Variants in LRRC31 observed in about 807,000 individuals in gnomAD.
LRRC31 encodes the protein leucine rich repeat containing 31.
In LRRC31, 35 loss-of-function variants were observed where a neutral mutation model predicts 46.7. The observed-to-expected ratio is 0.75, with a 90% CI of 0.57 to 0.99. LRRC31 has a LOEUF of 0.99. LRRC31 is among the 50% of genes least tolerant of loss of function. The probability of loss-of-function intolerance (pLI) is 0.00; values close to 1 mark genes in which losing one functional copy is unlikely to be tolerated. For missense variants in LRRC31, 613 were observed against 626.1 expected (o/e 0.98, Z 0.22); for synonymous variants, 236 against 235.1 (o/e 1.00, Z -0.03).
intron 2 of LRRC31, 53 bp from the exon 3 acceptor site, chr3:169,860,781 A>G: frequency 6.5e-7 from 1 of 1,550,280 alleles, no homozygotes; most frequent in South Asian, 1.1e-5. Context: ...TGTGATTTGT[A>G]GTAAATAAAA....
intron 6 of LRRC31, among the ~76,000 whole-genome samples, chr3:169,852,402 C>CAAAAA (rs11344242): frequency 3.4e-5 from 3 of 88,480 alleles, no homozygotes; most frequent in Admixed American, 1.1e-4. Flanking sequence ...GACTCCGTCT[C>CAAAAA]AAAAAAAAAA....
chr3:169,864,949 C>A (rs1410218515), intron 1 of LRRC31, among the ~76,000 whole-genome samples: 3 of 152,062 alleles, frequency 2.0e-5, no homozygotes, highest in African/African-American at 7.2e-5. Context: ...TACTGGCATG[C>A]ACCTGTAATC....
At position 169,861,379 on chromosome 3, in the gene LRRC31, AAAAAAG is replaced by A. The variant is rs1341826671; in HGVS notation, c.319+285_319+290del. 3.0e-4 allele frequency among the ~76,000 whole-genome samples: 44 copies of A among 145,188 alleles called. 1 individual carries two copies. In the South Asian group the frequency reaches 5.5e-3, roughly 18 times the overall value. On this transcript the variant is annotated intron_variant, in intron 2 of 8. Transcript: ENST00000316428. ...ACTGCGCCTGGCCTTTTTCTTAAAA[AAAAAAG>A]AAAAAAGAAAAAAGAAAAAACCTAC...
intron 8 of LRRC31, among the ~76,000 whole-genome samples, chr3:169,841,021 T>C (rs1384362972): frequency 6.6e-6 from 1 of 152,210 alleles, no homozygotes; most frequent in Non-Finnish European, 1.5e-5. Flanking sequence ...GTGGGTTGTA[T>C]AGAATCTCAG....
chr3:169,854,986 A>C lies in LRRC31; in HGVS notation c.824-6T>G. On this transcript the variant is annotated splice_region_variant and splice_polypyrimidine_tract_variant and intron_variant, in intron 5 of 8. Coordinates refer to ENST00000316428, the MANE Select transcript of LRRC31 (RefSeq NM_024727.4). ...CAAATACCTAAAAGCAGCATCTACA[A>C]AGAAAGTCAGAATCCCATTCTGGTA... The C allele has an allele frequency of 1.9e-6, 3 of 1,605,060 alleles. No homozygotes were observed. Among genetic ancestry groups the C allele is most frequent in the Non-Finnish European group, 2.5e-6 (3 of 1,177,994 alleles).
intron 8 of LRRC31, among the ~76,000 whole-genome samples, chr3:169,843,756 A>G (rs1780520631): frequency 6.6e-6 from 1 of 152,230 alleles, no homozygotes; most frequent in African/African-American, 2.4e-5. Context: ...AACACAAATT[A>G]TCAATATCAG....
In LRRC31 at chr3:169,848,246, G is replaced by A. The variant is rs1292256615; in HGVS notation, c.1201C>T (p.Leu401Phe). The stretch of plus-strand genomic sequence containing the variant: ...CCACCAACACACTTGTTCCAAGAAA[G>A]GTTGAATACTTCCAGAGCAGAGAGG... ...VHLSALEVFN[L>F]SWNKCVGGNL... The change falls in exon 8 of 9, where the codon CTT becomes TTT. Residue 401 changes from leucine to phenylalanine, a missense_variant. By Grantham distance (22) the Leu-to-Phe change is conservative. Coordinates refer to ENST00000316428, the MANE Select transcript of LRRC31 (RefSeq NM_024727.4). The A allele has an allele frequency of 1.2e-6, 2 of 1,614,174 alleles. No homozygotes were observed. Among genetic ancestry groups the A allele is most frequent in the Non-Finnish European group, 1.7e-6 (2 of 1,180,018 alleles).
chr3:169,857,345 T>TAC lies in LRRC31; in HGVS notation c.488-475_488-474dup, dbSNP rs1180073387. Among the ~76,000 whole-genome samples the TAC allele has an allele frequency of 7.7e-3, 686 of 89,374 alleles. 35 individuals are homozygous for TAC. Among genetic ancestry groups the TAC allele is most frequent in the South Asian group, 0.017 (37 of 2,218 alleles). 58.6% of individuals were successfully genotyped at this position (89,374 alleles called of 152,430 possible). A position where few individuals can be genotyped will look rare whatever the true frequency, so the allele number is the denominator to read the frequency against. The stretch of plus-strand genomic sequence containing the variant: ...ATATATATATATATATATATATATA[T>TAC]ACACACACACACACACACACACACA... On this transcript the variant is annotated intron_variant, in intron 3 of 8. Transcript: ENST00000316428.
At chr3:169,858,774 C>A (rs112845622) in intron 3 of LRRC31, among the ~76,000 whole-genome samples, 9,583 of 152,084 alleles carry the variant, frequency 0.063, 414 homozygotes, top group Middle Eastern at 0.092. Context: ...GAGGCCAAGG[C>A]GGGCAGATCA....
chr3:169,867,306 G>A (rs1488751889), intron 1 of LRRC31, among the ~76,000 whole-genome samples: 1 of 140,734 alleles, frequency 7.1e-6, no homozygotes, highest in African/African-American at 2.7e-5. Context: ...CTGGAGTGCA[G>A]TGGCGCAGTG....
chr3:169,844,757 C>A (rs1168099141), intron 8 of LRRC31, among the ~76,000 whole-genome samples: 1 of 151,984 alleles, frequency 6.6e-6, no homozygotes, highest in Non-Finnish European at 1.5e-5. Context: ...CATGGTGAAA[C>A]CCCGTCTGTA....
Position 169,856,276 on chromosome 3 carries a change from T to C in LRRC31, c.823+60A>G, listed in dbSNP as rs149437736. The C allele has an allele frequency of 1.6e-3, 1,532 of 950,588 alleles. 1 individual carries two copies. Among genetic ancestry groups the C allele is most frequent in the Non-Finnish European group, 2.0e-3 (1,429 of 715,900 alleles). 58.9% of individuals were successfully genotyped at this position (950,588 alleles called of 1,614,324 possible). A position where few individuals can be genotyped will look rare whatever the true frequency, so the allele number is the denominator to read the frequency against. Reference sequence around the variant, plus strand: ...CCTAGTAACTTTTCAATATATATATTTATATGTATATCATATATAATTATA... The same window carrying C: ...CCTAGTAACTTTTCAATATATATATCTATATGTATATCATATATAATTATA... On this transcript the variant is annotated intron_variant, in intron 5 of 8. Coordinates refer to ENST00000316428, the MANE Select transcript of LRRC31 (RefSeq NM_024727.4).
At chr3:169,859,968 C>G (rs1449851359) in intron 3 of LRRC31, among the ~76,000 whole-genome samples, 1 of 151,398 alleles carries the variant, frequency 6.6e-6, no homozygotes, top group African/African-American at 2.4e-5. Context: ...CATGGTGAAA[C>G]CCCCATCTCT....
At chr3:169,860,220 T>G (rs987492105) in intron 3 of LRRC31, among the ~76,000 whole-genome samples, 3 of 151,922 alleles carry the variant, frequency 2.0e-5, no homozygotes, top group Non-Finnish European at 4.4e-5. Flanking sequence ...TTCTTTTTTT[T>G]CTTTTCTTTT....
chr3:169,841,244 A>G (rs778442976), intron 8 of LRRC31, among the ~76,000 whole-genome samples: 1 of 152,180 alleles, frequency 6.6e-6, no homozygotes, highest in Non-Finnish European at 1.5e-5. Context: ...CAGTGCCCCA[A>G]TCAGTCAGCT....
chr3:169,842,924 AT>A (rs1207152175), intron 8 of LRRC31, among the ~76,000 whole-genome samples: 2 of 152,174 alleles, frequency 1.3e-5, no homozygotes, highest in African/African-American at 4.8e-5. Flanking sequence ...TCAAAAGCTT[AT>A]TTTTTAGAAG....
intron 1 of LRRC31, among the ~76,000 whole-genome samples, chr3:169,862,473 A>T (rs974426192): frequency 1.3e-5 from 2 of 152,212 alleles, no homozygotes; most frequent in Non-Finnish European, 2.9e-5. Context: ...CTGTAATAAC[A>T]TGCTAGTGGC....
chr3:169,862,600 A>C (rs1262683107), intron 1 of LRRC31, among the ~76,000 whole-genome samples: 1 of 152,034 alleles, frequency 6.6e-6, no homozygotes, highest in Admixed American at 6.6e-5. Context: ...GTCTCTACTA[A>C]AATACAAAAA....
intron 8 of LRRC31, among the ~76,000 whole-genome samples, chr3:169,842,362 G>T (rs1037278192): frequency 6.6e-6 from 1 of 151,858 alleles, no homozygotes; most frequent in African/African-American, 2.4e-5. Context: ...TGTTGTTTTT[G>T]TTTTTTTGAG....
Sources: gnomAD v4.1 joint callset for allele counts (sites outside exome capture counted in the v4.1 genomes callset) on GRCh38, gnomAD v4.1.1 for gene constraint, MANE v1.5 for transcripts, NCBI Gene and HGNC (gene_info 2026-07-23, HGNC 2026-07-21) for gene names.